ZNF28: variants seen among roughly 807,000 people sequenced by gnomAD.
ZNF28 encodes zinc finger protein 28.
In ZNF28, 5 loss-of-function variants were observed where a neutral mutation model predicts 7.2. The observed-to-expected ratio is 0.70, with a 90% CI of 0.36 to 1.46. ZNF28 has a LOEUF of 1.46. ZNF28 is among the 40% of genes most tolerant of loss of function. The pLI is 0.03. For missense variants in ZNF28, 879 were observed against 866.6 expected (o/e 1.01, Z -0.18); for synonymous variants, 288 against 292.4 (o/e 0.99, Z 0.15).
chr19:52,819,083 C>A (rs2063163301), intron 1 of ZNF28, among the ~76,000 whole-genome samples: 1 of 139,284 alleles, frequency 7.2e-6, no homozygotes, highest in Admixed American at 7.4e-5. Context: ...AGAACAGGGA[C>A]AACAACCTGA....
intron 3 of ZNF28, 89 bp downstream of exon 3, chr19:52,807,918 T>C: frequency 6.3e-7 from 1 of 1,584,302 alleles, no homozygotes. Context: ...ACGGCTTCCA[T>C]TTTAGTCAAG....
chr19:52,805,686 T>C (rs1490445505), intron 3 of ZNF28: 2 of 75,218 alleles, frequency 2.7e-5, no homozygotes, highest in Non-Finnish European at 7.4e-5. Flanking sequence ...CCAGTAAAGG[T>C]AGTAAAAACA....
chr19:52,803,488 T>A (rs73936421), intron 3 of ZNF28, among the ~76,000 whole-genome samples: 2,419 of 152,176 alleles, frequency 0.016, 72 homozygotes, highest in African/African-American at 0.056. Context: ...CAACCCATGA[T>A]AAAACAAGCA....
chr19:52,815,280 CT>C lies in ZNF28; in HGVS notation c.15+2663del, dbSNP rs77457953. Among the ~76,000 whole-genome samples, 221 of 145,042 alleles carry C rather than the reference CT, an allele frequency of 1.5e-3. 30 individuals carry two copies. In the East Asian group the frequency reaches 0.04, roughly 26 times the overall value. ...CCTGTAATCTCAGCACTTTGGGAGGCTGAGGCTGCTGGATCACCTGAAGACA... is the reference window on the plus strand; with the variant it reads ...CCTGTAATCTCAGCACTTTGGGAGGCGAGGCTGCTGGATCACCTGAAGACA... On this transcript the variant is annotated intron_variant, in intron 2 of 3. Coordinates refer to ENST00000457749, the MANE Select transcript of ZNF28 (RefSeq NM_006969.5).
At position 52,818,004 on chromosome 19, in the gene ZNF28, A is replaced by C. The variant is rs755510340; in HGVS notation, c.-46T>G. ...TCTTCCTCTTCTGGGTTTCTTCCTC[A>C]CGTACCAAGATTCTTTAGAAGTCAA... On this transcript the variant is annotated 5_prime_UTR_variant, in exon 2 of 4. Transcript: ENST00000457749. 6.2e-7 allele frequency: 1 copy of C among 1,609,798 alleles called. No individual in the cohort carries two copies. The highest frequency in any genetic ancestry group is 2.2e-5 in the East Asian group (1 of 44,844).
At chr19:52,813,091 T>C (rs1327982210) in intron 2 of ZNF28, among the ~76,000 whole-genome samples, 1 of 152,010 alleles carries the variant, frequency 6.6e-6, no homozygotes, top group Non-Finnish European at 1.5e-5. Flanking sequence ...GTTGTGGTAA[T>C]CTTGGTTAAT....
intron 3 of ZNF28, among the ~76,000 whole-genome samples, chr19:52,803,794 TAAA>T (rs1265783146): frequency 6.6e-6 from 1 of 151,696 alleles, no homozygotes; most frequent in Non-Finnish European, 1.5e-5. Flanking sequence ...CCATCTCTAC[TAAA>T]AATACAAAAA....
chr19:52,820,217 A>C lies in ZNF28; in HGVS notation c.-74+1369T>G, dbSNP rs2063178147. On this transcript the variant is annotated intron_variant, in intron 1 of 3. Transcript: ENST00000457749. ...ACTGCAAGCTCTGCTTCCCGGGTTC[A>C]CGCCATTCTCCTGCCTCAGCCTCCC... 8.1e-5 allele frequency among the ~76,000 whole-genome samples: 9 copies of C among 111,336 alleles called. 3 individuals are homozygous for C. The South Asian group carries it at 1.7e-3, about 22-fold the overall frequency. 73.0% of individuals were successfully genotyped at this position (111,336 alleles called of 152,430 possible).
At chr19:52,813,823 G>T (rs1400385239) in intron 2 of ZNF28, among the ~76,000 whole-genome samples, 2 of 146,426 alleles carry the variant, frequency 1.4e-5, no homozygotes, top group African/African-American at 5.3e-5. Flanking sequence ...GTTTAGAGGT[G>T]TTTCTGTTTT....
intron 2 of ZNF28, among the ~76,000 whole-genome samples, chr19:52,808,462 A>G (rs2062966139): frequency 6.6e-6 from 1 of 152,156 alleles, no homozygotes; most frequent in African/African-American, 2.4e-5. Flanking sequence ...GATGTCTTAA[A>G]AGATGACAAT....
At chr19:52,815,725 T>C (rs1025577383) in intron 2 of ZNF28, among the ~76,000 whole-genome samples, 2 of 145,740 alleles carry the variant, frequency 1.4e-5, no homozygotes, top group African/African-American at 5.4e-5. Context: ...CTCGGGAGGC[T>C]GAGGCAGGAG....
At chr19:52,817,368 G>A (rs1039096901) in intron 2 of ZNF28, among the ~76,000 whole-genome samples, 2 of 151,814 alleles carry the variant, frequency 1.3e-5, no homozygotes, top group African/African-American at 4.8e-5. Context: ...GTGAAACTCC[G>A]CTTCAAAAAA....
chr19:52,799,087 A>T lies in ZNF28; in HGVS notation c.*601T>A. The T allele has an allele frequency of 2.3e-6, 1 of 434,800 alleles. No homozygotes were observed. The highest frequency in any genetic ancestry group is 4.4e-6 in the Non-Finnish European group (1 of 226,190). The allele number at this position is 434,800 out of a possible 1,614,324, so 26.9% of individuals were successfully genotyped here. ...GATTTGTGACTGACAACTTTGTCAC[A>T]GTCTTCACATTTGTAAGATTTCTCT... On this transcript the variant is annotated 3_prime_UTR_variant, in exon 4 of 4. Transcript: ENST00000457749.
In ZNF28 at chr19:52,800,442, T is replaced by C; in HGVS notation, c.1403A>G (p.Lys468Arg). 5 of 1,613,580 alleles carry C rather than the reference T, an allele frequency of 3.1e-6. No individual in the cohort carries two copies. The highest frequency in any genetic ancestry group is 4.2e-6 in the Non-Finnish European group (5 of 1,179,794). The change falls in exon 4 of 4, where the codon AAA becomes AGA. Residue 468 changes from lysine to arginine, a missense_variant. Physicochemically the swap from Lys to Arg is conservative, Grantham distance 26. Around this residue, in one of 2 missense-constraint regions of ZNF28, gnomAD observed 864 missense variants for 830.2 expected, o/e 1.04. Coordinates refer to ENST00000457749, the MANE Select transcript of ZNF28 (RefSeq NM_006969.5). Reference protein sequence around the residue: ...HRLHTAEKPYKCEECDKVFRC... With the variant: ...HRLHTAEKPYRCEECDKVFRC... ...GAAAACTTTGTCACATTCTTCACAT[T>C]TGTATGGTTTCTCTGCAGTATGAAG... is the stretch of plus-strand genomic sequence containing the variant.
At chr19:52,810,458 G>T in intron 2 of ZNF28, 1 of 1,594,952 alleles carries the variant, frequency 6.3e-7, no homozygotes, top group Non-Finnish European at 8.6e-7. Context: ...AGTTCTCAAA[G>T]AGTCAGTGAG....
At chr19:52,809,793 A>C in intron 2 of ZNF28, 1 of 490,842 alleles carries the variant, frequency 2.0e-6, no homozygotes. Flanking sequence ...TGACAGAGCG[A>C]AAAAAAAGGA....
In ZNF28 at chr19:52,799,968, C is replaced by T. The variant is rs570956909; in HGVS notation, c.1877G>A (p.Arg626His). The change falls in exon 4 of 4, where the codon CGT (arginine) becomes CAT (histidine). Residue 626 changes from arginine (R) to histidine (H), a missense_variant. Physicochemically the swap from Arg to His is conservative, Grantham distance 29. Transcript: ENST00000457749. ...FRQTSSLIIH[R>H]RLHTGEKPYK... ...AGGTTTCTCTCCAGTATGAAGCCTACGATGGATTATAAGCGATGATGTCTG... is the reference window on the plus strand; with the variant it reads ...AGGTTTCTCTCCAGTATGAAGCCTATGATGGATTATAAGCGATGATGTCTG... 128 of 1,608,256 alleles carry T rather than the reference C, an allele frequency of 8.0e-5. No homozygotes were observed. The highest frequency in any genetic ancestry group is 1.7e-4 in the Middle Eastern group (1 of 6,024).
intron 3 of ZNF28, among the ~76,000 whole-genome samples, chr19:52,802,683 AG>A (rs1255113266): frequency 6.6e-6 from 1 of 152,194 alleles, no homozygotes; most frequent in Non-Finnish European, 1.5e-5. Context: ...TCTCAAAAAA[AG>A]GAAAATGTTA....
Position 52,799,347 on chromosome 19 carries a change from C to T in ZNF28, c.*341G>A, listed in dbSNP as rs1600417539. The T allele has an allele frequency of 1.9e-6, 1 of 531,484 alleles. No individual in the cohort carries two copies. The highest frequency in any genetic ancestry group is 3.4e-5 in the East Asian group (1 of 29,342). 32.9% of individuals were successfully genotyped at this position (531,484 alleles called of 1,614,324 possible). On this transcript the variant is annotated 3_prime_UTR_variant, in exon 4 of 4. Coordinates refer to ENST00000457749, the MANE Select transcript of ZNF28 (RefSeq NM_006969.5). Reference sequence around the variant, plus strand: ...TTCAAAAATCTTGTCATAAACCTTACATCTGTGTGGTTTCTCTTCAGCATG... The same window carrying T: ...TTCAAAAATCTTGTCATAAACCTTATATCTGTGTGGTTTCTCTTCAGCATG...
Sources: gnomAD v4.1 joint callset for allele counts (sites outside exome capture counted in the v4.1 genomes callset) on GRCh38, gnomAD v4.1.1 for gene constraint, gnomAD v4.1.1 regional missense constraint, MANE v1.5 for transcripts, NCBI Gene and HGNC (gene_info 2026-07-23, HGNC 2026-07-21) for gene names.